The following SDC2 variants were observed in gnomAD, a reference collection of about 807,000 sequenced individuals.
SDC2 encodes syndecan-2.
In SDC2, 13 loss-of-function variants were observed where a neutral mutation model predicts 22.2. That is an observed-to-expected ratio of 0.59 (90% CI 0.38 to 0.93). The LOEUF is 0.93. Ranked by LOEUF, SDC2 falls within the 40% of genes least tolerant of loss-of-function variation. SDC2 has a pLI of 0.00. For synonymous variants in SDC2, 94 were observed against 92.8 expected, an observed-to-expected ratio of 1.01 and a Z score of -0.07; for missense variants, 235 against 246.8, an observed-to-expected ratio of 0.95 and a Z score of 0.32.
chr8:96,548,474 C>T (rs1813971693), intron 1 of SDC2, among the ~76,000 whole-genome samples: 1 of 152,206 alleles, frequency 6.6e-6, no homozygotes, highest in South Asian at 2.1e-4. Flanking sequence ...TTTCCCCAGA[C>T]ATGAAGGGTC....
chr8:96,571,448 A>G (rs1021382982), intron 1 of SDC2, among the ~76,000 whole-genome samples: 2 of 152,232 alleles, frequency 1.3e-5, no homozygotes, highest in Non-Finnish European at 2.9e-5. Context: ...AAACTTGAAA[A>G]TAGAAACAAA....
At chr8:96,578,899 T>C (rs748699422) in intron 1 of SDC2, among the ~76,000 whole-genome samples, 9 of 152,188 alleles carry the variant, frequency 5.9e-5, no homozygotes, top group Non-Finnish European at 8.8e-5. Context: ...ACTAATAAAT[T>C]TGGAAATTGT....
At chr8:96,608,799 C>G in intron 4 of SDC2, among the ~76,000 whole-genome samples, 1 of 152,104 alleles carries the variant, frequency 6.6e-6, no homozygotes, top group Admixed American at 6.5e-5. Flanking sequence ...CACAGGCATT[C>G]TACATTTCAA....
chr8:96,519,032 A>C (rs1309144846), intron 1 of SDC2, among the ~76,000 whole-genome samples: 1 of 152,216 alleles, frequency 6.6e-6, no homozygotes, highest in Non-Finnish European at 1.5e-5. Context: ...TACGCTCAAC[A>C]AAATCCATCC....
chr8:96,597,708 G>A (rs1814903321), intron 2 of SDC2, among the ~76,000 whole-genome samples: 1 of 152,192 alleles, frequency 6.6e-6, no homozygotes, highest in African/African-American at 2.4e-5. Context: ...AAGAGTGTGG[G>A]ACTGTCGTGT....
chr8:96,560,713 C>T (rs1406609511), intron 1 of SDC2, among the ~76,000 whole-genome samples: 2 of 151,376 alleles, frequency 1.3e-5, no homozygotes, highest in East Asian at 3.9e-4. Context: ...AAGCTATGTA[C>T]ATATACTTGA....
intron 3 of SDC2, among the ~76,000 whole-genome samples, chr8:96,604,365 C>T (rs1441604768): frequency 6.6e-6 from 1 of 152,130 alleles, no homozygotes; most frequent in African/African-American, 2.4e-5. Context: ...GATTTTAATA[C>T]ATTTATATTC....
At position 96,593,550 on chromosome 8, in the gene SDC2, A is replaced by G; in HGVS notation, c.131A>G (p.Tyr44Cys). The G allele has an allele frequency of 1.9e-6, 3 of 1,614,074 alleles. No homozygotes were observed. The highest frequency in any genetic ancestry group is 2.2e-5 in the South Asian group (2 of 91,088). ...NSSIEEASGV[Y>C]PIDDDDYASA... The stretch of plus-strand genomic sequence containing the variant: ...TCCATTGAAGAAGCTTCAGGAGTGT[A>G]TCCTATTGATGACGATGACTACGCT... Residue 44 changes from tyrosine to cysteine, a missense_variant, in exon 2 of 5, where the codon TAT (tyrosine) becomes TGT (cysteine). Transcript: ENST00000302190.
intron 1 of SDC2, among the ~76,000 whole-genome samples, chr8:96,548,686 A>T (rs1049702155): frequency 6.6e-6 from 1 of 152,206 alleles, no homozygotes; most frequent in African/African-American, 2.4e-5. Context: ...ATCTTAGGGA[A>T]AGGTGAGGAG....
intron 2 of SDC2, among the ~76,000 whole-genome samples, chr8:96,595,600 C>T (rs1192608011): frequency 2.6e-5 from 4 of 151,916 alleles, no homozygotes; most frequent in East Asian, 3.9e-4. Flanking sequence ...GTTCCTACTT[C>T]GCAGATCTTA....
chr8:96,590,444 G>A (rs1482252479), intron 1 of SDC2, among the ~76,000 whole-genome samples: 1 of 152,086 alleles, frequency 6.6e-6, no homozygotes, highest in African/African-American at 2.4e-5. Flanking sequence ...ACTACATTTC[G>A]CCAGGTGTAA....
In SDC2 at chr8:96,494,249, G is replaced by A. The variant is rs770594933; in HGVS notation, c.-23G>A. 4.5e-6 allele frequency: 7 copies of A among 1,541,912 alleles called. No individual in the cohort carries two copies. The highest frequency in any genetic ancestry group is 5.2e-6 in the Non-Finnish European group (6 of 1,146,966). On this transcript the variant is annotated 5_prime_UTR_variant, in exon 1 of 5. Transcript: ENST00000302190. ...TTGCCCTGGTTGCAAGCAGCGGCTG[G>A]GAGCAGCCGGTCCCTGGGGAATATG...
At chr8:96,559,064 A>C (rs151106525) in intron 1 of SDC2, among the ~76,000 whole-genome samples, 158 of 152,302 alleles carry the variant, frequency 1.0e-3, no homozygotes, top group Middle Eastern at 6.8e-3. Flanking sequence ...ACAGTAATTT[A>C]ATGAGTAAGT....
chr8:96,550,923 G>T (rs1474622586), intron 1 of SDC2, among the ~76,000 whole-genome samples: 1 of 152,174 alleles, frequency 6.6e-6, no homozygotes, highest in African/African-American at 2.4e-5. Flanking sequence ...AGTATCAGCT[G>T]TGGGTTCCTT....
chr8:96,516,304 C>CATA (rs2130449615), intron 1 of SDC2, among the ~76,000 whole-genome samples: 2 of 152,140 alleles, frequency 1.3e-5, no homozygotes, highest in South Asian at 4.2e-4. Context: ...ACATAGCAAG[C>CATA]GTTATCTAGA....
At chr8:96,596,574 T>C (rs984156188) in intron 2 of SDC2, among the ~76,000 whole-genome samples, 2 of 152,090 alleles carry the variant, frequency 1.3e-5, no homozygotes, top group African/African-American at 2.4e-5. Context: ...AAGAGTCTAA[T>C]GAAAGAAATA....
chr8:96,560,824 T>A (rs1188228314), intron 1 of SDC2, among the ~76,000 whole-genome samples: 1 of 152,018 alleles, frequency 6.6e-6, no homozygotes, highest in Non-Finnish European at 1.5e-5. Flanking sequence ...AAGAGAGATA[T>A]GCCGGGCGTG....
chr8:96,522,996 G>A (rs531645694), intron 1 of SDC2, among the ~76,000 whole-genome samples: 12 of 152,220 alleles, frequency 7.9e-5, no homozygotes, highest in East Asian at 1.9e-4. Flanking sequence ...GTTACTTGGC[G>A]TTTGGATGGA....
intron 1 of SDC2, among the ~76,000 whole-genome samples, chr8:96,505,513 G>A (rs1204787715): frequency 6.6e-6 from 1 of 152,114 alleles, no homozygotes; most frequent in Non-Finnish European, 1.5e-5. Context: ...TGTTGGCCAG[G>A]ATGGTCTCAA....
Sources: gnomAD v4.1 joint callset for allele counts (sites outside exome capture counted in the v4.1 genomes callset) on GRCh38, gnomAD v4.1.1 for gene constraint, MANE v1.5 for transcripts, NCBI Gene and HGNC (gene_info 2026-07-23, HGNC 2026-07-21) for gene names.